The following UST variants were observed in gnomAD, a reference collection of about 807,000 sequenced individuals.
UST encodes the protein chondroitin sulfate 2-O-sulfotransferase.
A neutral mutation model predicts 45.6 loss-of-function variants in UST; 21 were observed. The ratio of observed to expected loss-of-function variants is 0.46; its 90% CI spans 0.33 to 0.66. UST has a LOEUF of 0.66. UST is among the 30% of genes least tolerant of loss of function. The pLI, the probability that UST is intolerant of heterozygous loss-of-function variation, is 0.02. For synonymous variants in UST, 215 were observed against 200.6 expected (o/e 1.07, Z -0.61); for missense variants, 463 against 512.4 (o/e 0.90, Z 0.93).
At chr6:149,023,437 C>T (rs905414199) in intron 7 of UST, among the ~76,000 whole-genome samples, 10 of 152,220 alleles carry the variant, frequency 6.6e-5, no homozygotes, top group South Asian at 6.2e-4. Context: ...GCAGCCCCAA[C>T]CAACATGTTA....
chr6:148,790,471 C>A lies in UST; in HGVS notation c.247+42794C>A, dbSNP rs903373534. Among the ~76,000 whole-genome samples, 1 of 152,172 alleles carries A rather than the reference C, an allele frequency of 6.6e-6. No homozygotes were observed. Among genetic ancestry groups the A allele is most frequent in the Non-Finnish European group, 1.5e-5 (1 of 68,034 alleles). ...AGGGGTAGATGGCATACCTCCTTGGCGAATCTGATTTTGAAGTCCGTGCCC... is the reference window on the plus strand; with the variant it reads ...AGGGGTAGATGGCATACCTCCTTGGAGAATCTGATTTTGAAGTCCGTGCCC... On this transcript the variant is annotated intron_variant, in intron 1 of 7. Coordinates refer to ENST00000367463, the MANE Select transcript of UST (RefSeq NM_005715.3). The surrounding 1 kb of genome is among the most constrained non-coding windows in gnomAD (Gnocchi z 4.2).
chr6:148,962,942 A>G (rs1478695375), intron 4 of UST, among the ~76,000 whole-genome samples: 1 of 152,264 alleles, frequency 6.6e-6, no homozygotes, highest in East Asian at 1.9e-4. Context: ...AACGTTAACA[A>G]CTGAGAGGCA....
intron 1 of UST, among the ~76,000 whole-genome samples, chr6:148,886,634 A>T (rs1291153781): frequency 6.6e-6 from 1 of 152,206 alleles, no homozygotes; most frequent in Non-Finnish European, 1.5e-5. Context: ...GTCTTGTTTC[A>T]ACAAGCCCTG....
At chr6:148,824,916 G>A (rs1203747790) in intron 1 of UST, among the ~76,000 whole-genome samples, 1 of 141,634 alleles carries the variant, frequency 7.1e-6, no homozygotes, top group Non-Finnish European at 1.5e-5. Flanking sequence ...ACCTATGAGT[G>A]AGAATATGCG....
intron 2 of UST, among the ~76,000 whole-genome samples, chr6:148,936,917 A>G (rs1582908798): frequency 6.6e-6 from 1 of 151,722 alleles, no homozygotes; most frequent in Non-Finnish European, 1.5e-5. Context: ...CTGGTCTCGA[A>G]CTCCTGACCT....
chr6:148,915,842 C>T (rs781510874), intron 2 of UST, among the ~76,000 whole-genome samples: 7 of 152,130 alleles, frequency 4.6e-5, no homozygotes, highest in Non-Finnish European at 8.8e-5. Context: ...CTCAGGTTTG[C>T]CCAAGAAGAA....
At chr6:148,756,728 T>G (rs1776107109) in intron 1 of UST, among the ~76,000 whole-genome samples, 2 of 152,248 alleles carry the variant, frequency 1.3e-5, no homozygotes, top group Non-Finnish European at 2.9e-5. Context: ...GCAAGCACCT[T>G]GAAGGGAGGA....
At position 149,048,999 on chromosome 6, in the gene UST, A is replaced by C. The variant is rs191745477; in HGVS notation, c.938-24834A>C. Reference sequence around the variant, plus strand: ...AAGCCTTCAAAATGCCCATAGCTGCAGAACTGATAGAAAAATCCTGTACCT... The same window carrying C: ...AAGCCTTCAAAATGCCCATAGCTGCCGAACTGATAGAAAAATCCTGTACCT... On this transcript the variant is annotated intron_variant, in intron 7 of 7. Transcript: ENST00000367463. Among the ~76,000 whole-genome samples, 3 of 152,338 alleles carry C rather than the reference A, an allele frequency of 2.0e-5. No homozygotes were observed. The East Asian group carries it at 5.8e-4, about 29-fold the overall frequency.
At chr6:148,773,271 G>C (rs1776467230) in intron 1 of UST, among the ~76,000 whole-genome samples, 1 of 152,104 alleles carries the variant, frequency 6.6e-6, no homozygotes, top group South Asian at 2.1e-4. Context: ...GACCAGCCTG[G>C]CCAACATGGT....
intron 1 of UST, among the ~76,000 whole-genome samples, chr6:148,848,605 A>G (rs1445623704): frequency 6.7e-6 from 1 of 149,186 alleles, no homozygotes; most frequent in African/African-American, 2.5e-5. Context: ...TGGGAGGTGG[A>G]GGTTGCAGTG....
intron 5 of UST, among the ~76,000 whole-genome samples, chr6:148,967,197 G>T (rs1780821336): frequency 6.6e-6 from 1 of 152,152 alleles, no homozygotes; most frequent in Non-Finnish European, 1.5e-5. Context: ...ATTTGTAGGG[G>T]CTCCTTTCCA....
At chr6:149,051,160 G>A (rs376664478) in intron 7 of UST, among the ~76,000 whole-genome samples, 7 of 152,322 alleles carry the variant, frequency 4.6e-5, no homozygotes, top group South Asian at 4.1e-4. Flanking sequence ...AGCCTCCACG[G>A]TGAAATATGG....
At chr6:148,846,498 A>G (rs1220664807) in intron 1 of UST, among the ~76,000 whole-genome samples, 1 of 152,066 alleles carries the variant, frequency 6.6e-6, no homozygotes, top group Non-Finnish European at 1.5e-5. Flanking sequence ...CCTAATGCTA[A>G]ATGACGAGTT....
chr6:148,940,948 T>C (rs1356726908), intron 2 of UST, among the ~76,000 whole-genome samples: 1 of 152,224 alleles, frequency 6.6e-6, no homozygotes, highest in African/African-American at 2.4e-5. Context: ...TGATAAAGCA[T>C]AATAGCAAAA....
At chr6:149,002,446 A>C (rs949523609) in intron 5 of UST, among the ~76,000 whole-genome samples, 1 of 152,186 alleles carries the variant, frequency 6.6e-6, no homozygotes, top group Non-Finnish European at 1.5e-5. Flanking sequence ...CCAGTTAAAA[A>C]CTAAATAAAT....
chr6:148,909,225 C>CT (rs750088146), intron 2 of UST, among the ~76,000 whole-genome samples: 1 of 152,062 alleles, frequency 6.6e-6, no homozygotes, highest in Non-Finnish European at 1.5e-5. Flanking sequence ...AGTAATTGAA[C>CT]TTTTTTAAAA....
intron 2 of UST, among the ~76,000 whole-genome samples, chr6:148,908,693 TACTC>T (rs1321610401): frequency 1.3e-5 from 2 of 152,228 alleles, no homozygotes; most frequent in African/African-American, 4.8e-5. Flanking sequence ...TCATTTGAAT[TACTC>T]AGTTATGCAG....
At chr6:149,007,844 C>T (rs1214157456) in intron 5 of UST, among the ~76,000 whole-genome samples, 2 of 152,204 alleles carry the variant, frequency 1.3e-5, no homozygotes, top group Non-Finnish European at 2.9e-5. Context: ...CTTCCTCTTG[C>T]TGTCTTACAT....
chr6:148,977,334 A>AG lies in UST; in HGVS notation c.681+12772dup, dbSNP rs767074420. On this transcript the variant is annotated intron_variant, in intron 5 of 7. Coordinates refer to ENST00000367463, the MANE Select transcript of UST (RefSeq NM_005715.3). ...ATGCAATAGTATAATTATATAATAT[A>AG]GAGTGACTATTTATATATACATTTT... Among the ~76,000 whole-genome samples the AG allele has an allele frequency of 8.5e-5, 13 of 152,204 alleles. 3 individuals are homozygous for AG. Among genetic ancestry groups the AG allele is most frequent in the East Asian group, 3.9e-4 (2 of 5,194 alleles).
Sources: gnomAD v4.1 joint callset for allele counts (sites outside exome capture counted in the v4.1 genomes callset) on GRCh38, gnomAD v4.1.1 for gene constraint, Gnocchi (gnomAD v3.1) non-coding constraint, MANE v1.5 for transcripts, NCBI Gene and HGNC (gene_info 2026-07-23, HGNC 2026-07-21) for gene names.